The following TTBK2 variants were observed in gnomAD, a reference collection of about 807,000 sequenced individuals.
TTBK2 encodes the protein tau-tubulin kinase 2.
TTBK2 carries 28 observed loss-of-function variants against 110.8 expected under a neutral mutation model. The observed-to-expected ratio is 0.25, with a 90% CI of 0.19 to 0.35. The LOEUF is 0.35. TTBK2 is among the 10% of genes least tolerant of loss of function. TTBK2 has a pLI of 1.00. For synonymous variants in TTBK2, 532 were observed against 527.3 expected, an observed-to-expected ratio of 1.01 and a Z score of -0.12; for missense variants, 1,369 against 1,500.3, an observed-to-expected ratio of 0.91 and a Z score of 1.45.
At chr15:42,894,201 T>C (rs1345768782) in intron 1 of TTBK2, among the ~76,000 whole-genome samples, 1 of 152,206 alleles carries the variant, frequency 6.6e-6, no homozygotes, top group African/African-American at 2.4e-5. Flanking sequence ...CCTTTCACTA[T>C]GATTGTGAGG....
At chr15:42,860,526 C>T (rs915035639) in intron 3 of TTBK2, among the ~76,000 whole-genome samples, 3 of 151,954 alleles carry the variant, frequency 2.0e-5, no homozygotes, top group Admixed American at 1.3e-4. Flanking sequence ...GGGGTTGGAT[C>T]GCTTGAGCCC....
At chr15:42,787,809 C>T (rs1043439504) in intron 10 of TTBK2, among the ~76,000 whole-genome samples, 1 of 151,830 alleles carries the variant, frequency 6.6e-6, no homozygotes, top group African/African-American at 2.4e-5. Flanking sequence ...TCCTTTTCAC[C>T]CAAGAGTACA....
chr15:42,816,968 G>T, intron 7 of TTBK2, 64 bp downstream of exon 7: 1 of 929,942 alleles, frequency 1.1e-6, no homozygotes, highest in Admixed American at 3.5e-5. Context: ...AAATAAAAAA[G>T]AAGTCAATCT....
intron 9 of TTBK2, among the ~76,000 whole-genome samples, chr15:42,803,590 T>C (rs947072752): frequency 6.6e-6 from 1 of 152,154 alleles, no homozygotes; most frequent in Admixed American, 6.5e-5. Context: ...CCTGGAAATA[T>C]AGTACACTAA....
intron 13 of TTBK2, among the ~76,000 whole-genome samples, chr15:42,768,636 C>T (rs1188030684): frequency 6.6e-6 from 1 of 152,162 alleles, no homozygotes; most frequent in Admixed American, 6.5e-5. Flanking sequence ...AAGAACATTC[C>T]ATGTTCATGG....
intron 3 of TTBK2, among the ~76,000 whole-genome samples, chr15:42,861,640 CAGAA>C (rs1373025807): frequency 6.6e-6 from 1 of 150,396 alleles, no homozygotes; most frequent in African/African-American, 2.5e-5. Flanking sequence ...ATCAAGAAGT[CAGAA>C]AGATCTAAAA....
intron 1 of TTBK2, among the ~76,000 whole-genome samples, chr15:42,887,040 TAATC>T (rs1333458751): frequency 2.0e-5 from 3 of 152,224 alleles, no homozygotes; most frequent in Admixed American, 6.5e-5. Flanking sequence ...GTCCCCTTCT[TAATC>T]AATACGGACG....
At chr15:42,795,609 C>T (rs566725429) in intron 9 of TTBK2, among the ~76,000 whole-genome samples, 5 of 152,102 alleles carry the variant, frequency 3.3e-5, no homozygotes, top group East Asian at 1.9e-4. Flanking sequence ...GAGGATTTTG[C>T]GCAGGTCTGA....
At chr15:42,801,522 C>G in intron 9 of TTBK2, 1 of 766,748 alleles carries the variant, frequency 1.3e-6, no homozygotes, top group Non-Finnish European at 2.4e-6. Context: ...CACAGGTCAT[C>G]CCCATGCTTC....
intron 14 of TTBK2, among the ~76,000 whole-genome samples, chr15:42,748,255 G>A (rs1386675538): frequency 6.6e-5 from 10 of 152,188 alleles, no homozygotes; most frequent in East Asian, 3.9e-4. Context: ...TCAGGAGTTC[G>A]AGATCAGCCT....
intron 1 of TTBK2, among the ~76,000 whole-genome samples, chr15:42,898,489 C>A (rs190969404): frequency 1.3e-5 from 2 of 148,772 alleles, no homozygotes; most frequent in Admixed American, 6.8e-5. Flanking sequence ...CCAGCCTGGG[C>A]GGCAGAGTGA....
At chr15:42,787,908 A>T (rs949779739) in intron 10 of TTBK2, among the ~76,000 whole-genome samples, 2 of 152,160 alleles carry the variant, frequency 1.3e-5, no homozygotes, top group East Asian at 3.8e-4. Flanking sequence ...CAGCGTACTT[A>T]AAAAAACTAT....
At position 42,822,720 on chromosome 15, in the gene TTBK2, G is replaced by A. The variant is rs192985885; in HGVS notation, c.537+5208C>T. Among the ~76,000 whole-genome samples, 772 of 152,320 alleles carry A rather than the reference G, an allele frequency of 5.1e-3. 6 individuals are homozygous for A. The highest frequency in any genetic ancestry group is 8.1e-3 in the Non-Finnish European group (548 of 68,028). On this transcript the variant is annotated intron_variant, in intron 6 of 14. Transcript: ENST00000267890. ...GAATTCATAAAATATTTTTAAGCTG[G>A]AAAGTAACAATTGAGAAAATGCTCT...
intron 3 of TTBK2, chr15:42,840,720 G>A: frequency 2.2e-6 from 1 of 460,808 alleles, no homozygotes; most frequent in South Asian, 1.9e-5. Flanking sequence ...AAAAGATTAA[G>A]TGGTCAATTC....
chr15:42,767,436 C>T (rs929522247), intron 13 of TTBK2, among the ~76,000 whole-genome samples: 8 of 152,046 alleles, frequency 5.3e-5, no homozygotes, highest in Non-Finnish European at 1.2e-4. Flanking sequence ...GGGATATCAC[C>T]ACCATCCAAC....
At chr15:42,870,908 A>G (rs564514419) in intron 3 of TTBK2, among the ~76,000 whole-genome samples, 92 of 152,224 alleles carry the variant, frequency 6.0e-4, no homozygotes, top group African/African-American at 2.1e-3. Context: ...ATTGAACATC[A>G]ATTTAAAAAT....
intron 1 of TTBK2, among the ~76,000 whole-genome samples, chr15:42,902,134 T>C (rs1337121604): frequency 6.6e-6 from 1 of 150,748 alleles, no homozygotes; most frequent in Non-Finnish European, 1.5e-5. Flanking sequence ...GAGAACTGCC[T>C]GAACCCAGGA....
At chr15:42,813,735 A>G (rs953287176) in intron 7 of TTBK2, among the ~76,000 whole-genome samples, 1 of 150,424 alleles carries the variant, frequency 6.6e-6, no homozygotes, top group Non-Finnish European at 1.5e-5. Context: ...AATCCCAGCT[A>G]CTCGGGAGGC....
intron 13 of TTBK2, among the ~76,000 whole-genome samples, chr15:42,758,708 C>T (rs978417168): frequency 3.3e-5 from 5 of 151,678 alleles, no homozygotes; most frequent in Admixed American, 6.6e-5. Context: ...AGGCACCCAG[C>T]CTCTGCCACC....
Sources: gnomAD v4.1 joint callset for allele counts (sites outside exome capture counted in the v4.1 genomes callset) on GRCh38, gnomAD v4.1.1 for gene constraint, MANE v1.5 for transcripts, NCBI Gene and HGNC (gene_info 2026-07-23, HGNC 2026-07-21) for gene names.